ADK: variants seen among roughly 807,000 people sequenced by gnomAD.
The protein encoded by ADK is adenosine kinase, also known as N6,N6-dimethyladenosine kinase.
In ADK, 24 loss-of-function variants were observed where a neutral mutation model predicts 44.7. That is an observed-to-expected ratio of 0.54 (90% CI 0.39 to 0.76). The LOEUF (loss-of-function observed/expected upper bound fraction) is 0.76. Among genes scored for constraint, ADK ranks in the 30% least tolerant of loss-of-function variants. ADK has a pLI of 0.00. For synonymous variants in ADK, 128 were observed against 142.6 expected, an observed-to-expected ratio of 0.90 and a Z score of 0.73; for missense variants, 321 against 425.1, an observed-to-expected ratio of 0.76 and a Z score of 2.15.
At chr10:74,207,486 G>T (rs12356967) in intron 2 of ADK, among the ~76,000 whole-genome samples, 1 of 151,950 alleles carries the variant, frequency 6.6e-6, no homozygotes, top group Non-Finnish European at 1.5e-5. Context: ...GTGGAGAGGA[G>T]CTTCATTGAG....
At chr10:74,539,534 A>C (rs1369034740) in intron 7 of ADK, among the ~76,000 whole-genome samples, 1 of 152,124 alleles carries the variant, frequency 6.6e-6, no homozygotes, top group Non-Finnish European at 1.5e-5. Context: ...TTCCTAAGAG[A>C]GGTGGAAGTC....
At chr10:74,303,371 T>C (rs1042097067) in intron 3 of ADK, among the ~76,000 whole-genome samples, 14 of 152,086 alleles carry the variant, frequency 9.2e-5, no homozygotes, top group African/African-American at 3.4e-4. Context: ...CTGTTTCTAT[T>C]CAATAGGATT....
chr10:74,218,914 A>C (rs1220493484), intron 2 of ADK, among the ~76,000 whole-genome samples: 2 of 152,170 alleles, frequency 1.3e-5, no homozygotes, highest in Non-Finnish European at 2.9e-5. Context: ...CTGCAAAATC[A>C]TGCCAAAATG....
intron 6 of ADK, among the ~76,000 whole-genome samples, chr10:74,449,488 GA>G (rs1397973371): frequency 6.6e-6 from 1 of 152,088 alleles, no homozygotes; most frequent in Non-Finnish European, 1.5e-5. Context: ...TTTGAAAAAA[GA>G]AATAGAAAGT....
intron 7 of ADK, among the ~76,000 whole-genome samples, chr10:74,530,156 T>TA (rs2133660723): frequency 6.6e-6 from 1 of 152,140 alleles, no homozygotes; most frequent in East Asian, 1.9e-4. Flanking sequence ...GCAAGTAGAG[T>TA]AAAATGCTTT....
At chr10:74,217,681 A>G (rs921297272) in intron 2 of ADK, among the ~76,000 whole-genome samples, 5 of 152,202 alleles carry the variant, frequency 3.3e-5, no homozygotes, top group Non-Finnish European at 7.3e-5. Context: ...AAACTTCCAG[A>G]GGAACGATCA....
At chr10:74,186,908 T>C (rs912729608) in intron 1 of ADK, among the ~76,000 whole-genome samples, 2 of 152,242 alleles carry the variant, frequency 1.3e-5, no homozygotes, top group African/African-American at 4.8e-5. Context: ...ATGAGTAAAG[T>C]TGCTATGAAC....
chr10:74,420,653 C>T (rs1243401645), intron 6 of ADK, among the ~76,000 whole-genome samples: 1 of 152,056 alleles, frequency 6.6e-6, no homozygotes, highest in East Asian at 1.9e-4. Flanking sequence ...AAAAGTTGAT[C>T]TCATAATCTT....
intron 9 of ADK, among the ~76,000 whole-genome samples, chr10:74,610,368 TAGCTTTATAGACAA>T (rs1488739351): frequency 4.6e-5 from 7 of 152,092 alleles, no homozygotes; most frequent in Non-Finnish European, 7.4e-5. Context: ...CTAGAGTAGT[TAGCTTTATAGACAA>T]AGTAGAATGA....
At chr10:74,409,076 C>T (rs1356923909) in intron 6 of ADK, among the ~76,000 whole-genome samples, 1 of 152,184 alleles carries the variant, frequency 6.6e-6, no homozygotes, top group African/African-American at 2.4e-5. Flanking sequence ...TGAAAGCTCT[C>T]AGCTAAGATA....
At chr10:74,279,578 CA>C (rs1259181483) in intron 3 of ADK, among the ~76,000 whole-genome samples, 1,795 of 100,496 alleles carry the variant, frequency 0.018, 29 homozygotes, top group African/African-American at 0.053. Context: ...GACTTCATCT[CA>C]AAAAAAAAAA....
intron 3 of ADK, among the ~76,000 whole-genome samples, chr10:74,260,666 T>C (rs1846009059): frequency 6.6e-6 from 1 of 152,242 alleles, no homozygotes; most frequent in African/African-American, 2.4e-5. Context: ...ACTGTTTTCG[T>C]TCCTAAATTG....
At chr10:74,300,429 T>C (rs1839991458) in intron 3 of ADK, among the ~76,000 whole-genome samples, 1 of 151,514 alleles carries the variant, frequency 6.6e-6, no homozygotes, top group South Asian at 2.1e-4. Context: ...CAGGCTGGAG[T>C]GCGGTGGTGC....
chr10:74,522,489 A>G (rs1002892218), intron 6 of ADK, among the ~76,000 whole-genome samples: 2 of 152,132 alleles, frequency 1.3e-5, no homozygotes, highest in Non-Finnish European at 2.9e-5. Flanking sequence ...ATAGTAGACG[A>G]TTCTCTCTTA....
intron 10 of ADK, among the ~76,000 whole-genome samples, chr10:74,686,743 C>G (rs1039709381): frequency 1.3e-5 from 2 of 152,092 alleles, no homozygotes; most frequent in Non-Finnish European, 2.9e-5. Context: ...GTGGCATGAT[C>G]TCGGCTCACT....
intron 1 of ADK, among the ~76,000 whole-genome samples, chr10:74,175,076 T>C (rs1256663945): frequency 4.6e-5 from 7 of 152,256 alleles, no homozygotes; most frequent in Admixed American, 3.9e-4. Flanking sequence ...CCTGTAATTT[T>C]AAATTTTCTA....
At chr10:74,580,752 A>G (rs1201904028) in intron 7 of ADK, among the ~76,000 whole-genome samples, 2 of 152,142 alleles carry the variant, frequency 1.3e-5, no homozygotes, top group African/African-American at 4.8e-5. Flanking sequence ...AGTCTTGGGT[A>G]TGTCTTTATC....
At chr10:74,382,668 A>T (rs1038700912) in intron 4 of ADK, among the ~76,000 whole-genome samples, 4 of 152,150 alleles carry the variant, frequency 2.6e-5, no homozygotes, top group African/African-American at 4.8e-5. Context: ...CAATTTTTTT[A>T]AAATTATAAG....
intron 6 of ADK, among the ~76,000 whole-genome samples, chr10:74,505,604 A>G (rs963079785): frequency 6.6e-6 from 1 of 150,662 alleles, no homozygotes; most frequent in African/African-American, 2.5e-5. Context: ...AGTCATATAC[A>G]CCATTGGACA....
Sources: allele counts gnomAD v4.1 joint callset (sites outside exome capture counted in the v4.1 genomes callset), GRCh38; gene constraint gnomAD v4.1.1; transcripts MANE v1.5; gene names NCBI Gene and HGNC (gene_info 2026-07-23, HGNC 2026-07-21).